Variants in FAAH2 observed in about 807,000 individuals in gnomAD.
FAAH2 encodes the protein fatty acid amide hydrolase 2, also known as fatty-acid amide hydrolase 2.
In FAAH2, 60 loss-of-function variants were observed where a neutral mutation model predicts 36.9. That is an observed-to-expected ratio of 1.63 (90% CI 1.32 to 2.02). FAAH2 has a LOEUF of 2.02. FAAH2 is among the 30% of genes most tolerant of loss of function. The probability of loss-of-function intolerance (pLI) is 0.00; values close to 1 mark genes in which losing one functional copy is unlikely to be tolerated. For missense variants in FAAH2, 689 were observed against 397.5 expected (o/e 1.73, Z -6.23); for synonymous variants, 214 against 143.8 (o/e 1.49, Z -3.49).
At chrX:57,262,261 T>A in the FAAH2 span, among the ~76,000 whole-genome samples, 1 of 111,142 alleles carries the variant, frequency 9.0e-6, no homozygotes, top group Non-Finnish European at 1.9e-5. Context: ...TATTCTAACT[T>A]GGAACTGAAT....
chrX:57,314,611 C>T (rs1029747222), intron 3 of FAAH2, among the ~76,000 whole-genome samples: 10 of 111,137 alleles, frequency 9.0e-5, no homozygotes, highest in Non-Finnish European at 1.7e-4. Context: ...AAACAACTTT[C>T]TCATGAAAAA....
chrX:57,366,132 ATTTC>A (rs936198894), intron 5 of FAAH2, among the ~76,000 whole-genome samples: 8 of 110,446 alleles, frequency 7.2e-5, no homozygotes, highest in African/African-American at 9.8e-5. Flanking sequence ...TTCTTGCACT[ATTTC>A]TTTCTTTCTT....
intron 3 of FAAH2, among the ~76,000 whole-genome samples, chrX:57,319,439 A>T (rs993072520): frequency 4.7e-4 from 52 of 111,815 alleles, no homozygotes; most frequent in African/African-American, 1.7e-3. Flanking sequence ...AAAGAGAATA[A>T]AATACATAGG....
At chrX:57,462,100 A>G (rs1034713044) in intron 10 of FAAH2, among the ~76,000 whole-genome samples, 1 of 102,392 alleles carries the variant, frequency 9.8e-6, no homozygotes, top group Non-Finnish European at 2.0e-5. Flanking sequence ...CTAAACCAGG[A>G]GGAAGTCACA....
intron 6 of FAAH2, among the ~76,000 whole-genome samples, chrX:57,379,132 CA>C (rs1466651689): frequency 1.8e-5 from 2 of 111,596 alleles, no homozygotes; most frequent in African/African-American, 3.3e-5. Flanking sequence ...ACATACTTTC[CA>C]ATCTCACCTA....
chrX:57,478,344 T>A (rs996474470), intron 10 of FAAH2, among the ~76,000 whole-genome samples: 11 of 111,610 alleles, frequency 9.9e-5, no homozygotes, highest in African/African-American at 3.6e-4. Context: ...TTGTTTGTTT[T>A]TTTCTTGTAA....
intron 8 of FAAH2, among the ~76,000 whole-genome samples, chrX:57,439,749 T>C (rs192363718): frequency 3.6e-5 from 4 of 112,073 alleles, no homozygotes; most frequent in Admixed American, 2.9e-4. Flanking sequence ...AACGTTTAAG[T>C]CTTTAATCCA....
intron 10 of FAAH2, among the ~76,000 whole-genome samples, chrX:57,488,466 G>C (rs1349623622): frequency 9.0e-6 from 1 of 111,130 alleles, no homozygotes; most frequent in African/African-American, 3.3e-5. Context: ...TCTGCATTCA[G>C]ATTTCAATTA....
Position 57,380,898 on chromosome X carries a change from T to G in FAAH2, c.879-14T>G. On this transcript the variant is annotated splice_polypyrimidine_tract_variant and intron_variant, in intron 6 of 10. Transcript: ENST00000374900. ...ATAATTTGTTGATGTCAGTTTCTTT[T>G]TAATCCTACACAGGTTAAAACTAGA... 1 of 1,058,707 alleles carries G rather than the reference T, an allele frequency of 9.4e-7. No homozygotes were observed. The highest frequency in any genetic ancestry group is 1.3e-6 in the Non-Finnish European group (1 of 778,882). 87.2% of individuals were successfully genotyped at this position (1,058,707 alleles called of 1,213,427 possible).
At chrX:57,329,339 G>A (rs919135167) in intron 3 of FAAH2, among the ~76,000 whole-genome samples, 3 of 111,281 alleles carry the variant, frequency 2.7e-5, no homozygotes, top group Non-Finnish European at 5.7e-5. Flanking sequence ...GGGTGCTCTG[G>A]TTGGCACAAG....
the FAAH2 span, among the ~76,000 whole-genome samples, chrX:57,247,733 G>A: frequency 2.7e-5 from 3 of 111,923 alleles, no homozygotes; most frequent in Middle Eastern, 4.2e-3. Flanking sequence ...AATACACATC[G>A]CTTTCATTCA....
chrX:57,327,739 T>C (rs2053260467), intron 3 of FAAH2, among the ~76,000 whole-genome samples: 1 of 111,428 alleles, frequency 9.0e-6, no homozygotes, highest in Admixed American at 9.6e-5. Flanking sequence ...TAGCCATTCA[T>C]CTAATCCTTT....
chrX:57,485,202 G>T (rs1363668390), intron 10 of FAAH2, among the ~76,000 whole-genome samples: 3 of 112,060 alleles, frequency 2.7e-5, no homozygotes, highest in South Asian at 7.4e-4. Flanking sequence ...GGATTTTGTT[G>T]TGGGAGGCAT....
intron 3 of FAAH2, among the ~76,000 whole-genome samples, chrX:57,328,455 GTA>G (rs2053291304): frequency 9.0e-6 from 1 of 111,592 alleles, no homozygotes; most frequent in Non-Finnish European, 1.9e-5. Context: ...TTCAGCTCCT[GTA>G]TGTTTTTATT....
At chrX:57,214,257 C>T in the FAAH2 span, among the ~76,000 whole-genome samples, 125 of 111,228 alleles carry the variant, frequency 1.1e-3, no homozygotes, top group African/African-American at 3.7e-3. Flanking sequence ...TTATGCCAAT[C>T]GATATATTTT....
intron 5 of FAAH2, among the ~76,000 whole-genome samples, chrX:57,347,595 G>A (rs1323309506): frequency 1.2e-5 from 1 of 84,196 alleles, no homozygotes; most frequent in African/African-American, 4.4e-5. Context: ...GGAGGTAAGG[G>A]GATGCTAAGT....
At chrX:57,202,094 T>A in the FAAH2 span, among the ~76,000 whole-genome samples, 1 of 112,113 alleles carries the variant, frequency 8.9e-6, no homozygotes, top group Non-Finnish European at 1.9e-5. Flanking sequence ...ATAAATTATC[T>A]GTCTGAGAGA....
At chrX:57,397,957 G>C (rs1238507846) in intron 7 of FAAH2, among the ~76,000 whole-genome samples, 1 of 106,936 alleles carries the variant, frequency 9.4e-6, no homozygotes, top group Non-Finnish European at 1.9e-5. Flanking sequence ...TGCGGTGTTT[G>C]GTTTTCTCTT....
At chrX:57,240,089 A>G in the FAAH2 span, among the ~76,000 whole-genome samples, 4 of 112,148 alleles carry the variant, frequency 3.6e-5, no homozygotes, top group Admixed American at 9.4e-5. Flanking sequence ...TTGTTTGGGG[A>G]TAAGAAGACA....
Sources: allele counts gnomAD v4.1 joint callset (sites outside exome capture counted in the v4.1 genomes callset), GRCh38; gene constraint gnomAD v4.1.1; transcripts MANE v1.5; gene names NCBI Gene and HGNC (gene_info 2026-07-23, HGNC 2026-07-21).